Variants in STK24 observed in about 807,000 individuals in gnomAD.
The protein encoded by STK24 is serine/threonine kinase 24.
A neutral mutation model predicts 55.6 loss-of-function variants in STK24; 21 were observed. The observed-to-expected ratio is 0.38, with a 90% confidence interval of 0.27 to 0.54. The LOEUF (loss-of-function observed/expected upper bound fraction) is 0.54, where lower values mean the gene tolerates loss of function less well. STK24 is among the 20% of genes least tolerant of loss of function. The pLI, the probability that STK24 is intolerant of heterozygous loss-of-function variation, is 0.79. For synonymous variants in STK24, 200 were observed against 215.2 expected, an observed-to-expected ratio of 0.93 and a Z score of 0.62; for missense variants, 383 against 538.4, an observed-to-expected ratio of 0.71 and a Z score of 2.86.
intron 2 of STK24, among the ~76,000 whole-genome samples, chr13:98,488,689 G>T (rs762302471): frequency 2.0e-5 from 3 of 152,052 alleles, no homozygotes; most frequent in Non-Finnish European, 4.4e-5. Context: ...AGGCAAACTT[G>T]CCCCAAAGTA....
chr13:98,559,773 G>C (rs1897371048), intron 1 of STK24, among the ~76,000 whole-genome samples: 1 of 151,288 alleles, frequency 6.6e-6, no homozygotes, highest in African/African-American at 2.4e-5. Context: ...TTGAAAATCT[G>C]AACAAAGAGA....
chr13:98,470,291 T>C (rs1894092805), intron 5 of STK24, among the ~76,000 whole-genome samples: 1 of 136,846 alleles, frequency 7.3e-6, no homozygotes. Flanking sequence ...TTAAATTCTT[T>C]GTAGAGGTGG....
At chr13:98,526,458 A>C (rs1245827064) in intron 1 of STK24, among the ~76,000 whole-genome samples, 1 of 152,124 alleles carries the variant, frequency 6.6e-6, no homozygotes, top group Non-Finnish European at 1.5e-5. Context: ...TTTACAGATG[A>C]GCAAACTGAG....
intron 2 of STK24, among the ~76,000 whole-genome samples, chr13:98,497,151 G>A (rs767678732): frequency 6.6e-5 from 10 of 152,150 alleles, no homozygotes; most frequent in South Asian, 4.1e-4. Context: ...CTCCCTGCCC[G>A]CGGCACAGTC....
At chr13:98,513,611 T>TG (rs2139370511) in intron 2 of STK24, among the ~76,000 whole-genome samples, 1 of 152,246 alleles carries the variant, frequency 6.6e-6, no homozygotes, top group Admixed American at 6.6e-5. Context: ...CCCTTCAGAC[T>TG]GCACAAGAGT....
chr13:98,511,802 G>A (rs1385112346), intron 2 of STK24, among the ~76,000 whole-genome samples: 1 of 140,554 alleles, frequency 7.1e-6, no homozygotes, highest in Non-Finnish European at 1.6e-5. Flanking sequence ...TCTTTGGAAC[G>A]TTGGCATTGT....
At chr13:98,470,295 G>C (rs1170688104) in intron 5 of STK24, among the ~76,000 whole-genome samples, 4 of 126,666 alleles carry the variant, frequency 3.2e-5, no homozygotes, top group African/African-American at 1.2e-4. Flanking sequence ...ATTCTTTGTA[G>C]AGGTGGGAGT....
At chr13:98,460,229 G>A (rs1893643316) in intron 9 of STK24, 143 bp downstream of exon 9, 1 of 771,592 alleles carries the variant, frequency 1.3e-6, no homozygotes, top group Non-Finnish European at 2.2e-6. Context: ...ACAGCCTTTG[G>A]GAAGGCACCA....
At chr13:98,457,803 T>G (rs1246618182) in intron 9 of STK24, among the ~76,000 whole-genome samples, 2 of 152,196 alleles carry the variant, frequency 1.3e-5, no homozygotes, top group Non-Finnish European at 2.9e-5. Flanking sequence ...ATTCAAATGC[T>G]CTGAGAGCAG....
chr13:98,446,612 C>T lies in STK24; in HGVS notation c.*6561G>A. The T allele has an allele frequency of 6.3e-7, 1 of 1,589,882 alleles. No individual in the cohort carries two copies. On this transcript the variant is annotated 3_prime_UTR_variant, in exon 11 of 11. Coordinates refer to ENST00000539966, the MANE Select transcript of STK24 (RefSeq NM_001032296.4). ...GTCTGATGCGGGGCAGCAGCCAGGC[C>T]CAGCAGCAGAAGCTGACCCCGAAAA...
chr13:98,463,353 T>C (rs1014849543), intron 7 of STK24, among the ~76,000 whole-genome samples: 29 of 152,176 alleles, frequency 1.9e-4, no homozygotes, highest in Middle Eastern at 3.2e-3. Context: ...CAGACATCCA[T>C]GTAAAGCAGT....
chr13:98,573,888 G>A (rs1330200681), intron 1 of STK24, among the ~76,000 whole-genome samples: 7 of 152,122 alleles, frequency 4.6e-5, no homozygotes, highest in South Asian at 4.1e-4. Context: ...AAACGGTACC[G>A]GTAAGAATCA....
At position 98,472,713 on chromosome 13, in the gene STK24, T is replaced by C. The variant is rs1317751821; in HGVS notation, c.597+2108A>G. On this transcript the variant is annotated intron_variant, in intron 5 of 10. Transcript: ENST00000539966. ...TTCCTCTGGAAAAGGTTCTGACATA[T>C]GTAATCATCTCTATTCATTCATTTT... Among the ~76,000 whole-genome samples the C allele has an allele frequency of 2.0e-5, 3 of 152,174 alleles. 1 individual carries two copies. Among genetic ancestry groups the C allele is most frequent in the Admixed American group, 1.3e-4 (2 of 15,284 alleles).
At chr13:98,508,835 C>A (rs113584028) in intron 2 of STK24, 2 of 152,234 alleles carry the variant, frequency 1.3e-5, no homozygotes, top group African/African-American at 4.8e-5. Context: ...AAACAATTCA[C>A]ACCTTCTCTG....
In STK24 at chr13:98,448,418, C is replaced by G. The variant is rs561452468; in HGVS notation, c.*4755G>C. The G allele has an allele frequency of 6.2e-6, 6 of 971,882 alleles. No homozygotes were observed. Among genetic ancestry groups the G allele is most frequent in the Non-Finnish European group, 9.8e-6 (6 of 610,814 alleles). The allele number at this position is 971,882 out of a possible 1,614,324, so 60.2% of individuals were successfully genotyped here. A position where few individuals can be genotyped will look rare whatever the true frequency, so the allele number is the denominator to read the frequency against. ...GTAAAATTAACACCTGTCTGAAAATCAAAAACATGGCTTCCCAGCAGCTCT... is the reference window on the plus strand; with the variant it reads ...GTAAAATTAACACCTGTCTGAAAATGAAAAACATGGCTTCCCAGCAGCTCT... On this transcript the variant is annotated 3_prime_UTR_variant, in exon 11 of 11. Coordinates refer to ENST00000539966, the MANE Select transcript of STK24 (RefSeq NM_001032296.4).
chr13:98,535,370 AATATATAT>A (rs71111959), intron 1 of STK24, among the ~76,000 whole-genome samples: 1 of 55,900 alleles, frequency 1.8e-5, no homozygotes, highest in African/African-American at 4.3e-5. Flanking sequence ...ACAAAAAAAA[AATATATAT>A]ATATATATAT....
In STK24 at chr13:98,451,382, T is replaced by G. The variant is rs555691293; in HGVS notation, c.*1791A>C. ...CCAATTTTATTATTCAACATAACAT[T>G]CTTGTATGGAGTAATGAGTACAATA... On this transcript the variant is annotated 3_prime_UTR_variant, in exon 11 of 11. Coordinates refer to ENST00000539966, the MANE Select transcript of STK24 (RefSeq NM_001032296.4). The G allele has an allele frequency of 3.3e-5, 5 of 152,306 alleles. No homozygotes were observed. In the East Asian group the frequency reaches 9.6e-4, roughly 29 times the overall value. The allele number at this position is 152,306 out of a possible 1,614,324, so 9.4% of individuals were successfully genotyped here. A position where few individuals can be genotyped will look rare whatever the true frequency, so the allele number is the denominator to read the frequency against.
intron 2 of STK24, among the ~76,000 whole-genome samples, chr13:98,493,861 G>A (rs1386758245): frequency 2.0e-4 from 30 of 149,442 alleles, no homozygotes; most frequent in African/African-American, 7.1e-4. Flanking sequence ...TTTTTGAGAG[G>A]GAGTCTCACT....
chr13:98,576,617 G>C, intron 1 of STK24, 128 bp downstream of exon 1: 3 of 716,930 alleles, frequency 4.2e-6, no homozygotes, highest in Non-Finnish European at 6.0e-6. Flanking sequence ...GCCGAGCCGG[G>C]CGCGCGGGGA....
Sources: gnomAD v4.1 joint callset for allele counts (sites outside exome capture counted in the v4.1 genomes callset) on GRCh38, gnomAD v4.1.1 for gene constraint, MANE v1.5 for transcripts, NCBI Gene and HGNC (gene_info 2026-07-23, HGNC 2026-07-21) for gene names.